The following ENTREP2 variants were observed in gnomAD, a reference collection of about 807,000 sequenced individuals.
ENTREP2 encodes the protein endosomal transmembrane epsin interactor 2.
chr15:29,497,042 G>A, the ENTREP2 span, among the ~76,000 whole-genome samples: 22 of 152,292 alleles, frequency 1.4e-4, no homozygotes, highest in Non-Finnish European at 3.1e-4. Context: ...CTTAGGTCAT[G>A]AGGGTTCCAT....
chr15:29,257,532 T>C, the ENTREP2 span, among the ~76,000 whole-genome samples: 2 of 152,224 alleles, frequency 1.3e-5, no homozygotes, highest in African/African-American at 4.8e-5. Context: ...AGAAGTGGCA[T>C]TGCTGGATCA....
chr15:29,401,165 G>A, the ENTREP2 span, among the ~76,000 whole-genome samples: 1 of 152,050 alleles, frequency 6.6e-6, no homozygotes, highest in Non-Finnish European at 1.5e-5. Flanking sequence ...ATTTTGGTGT[G>A]GTTTTTAATG....
At chr15:29,438,815 A>G in the ENTREP2 span, among the ~76,000 whole-genome samples, 4 of 152,190 alleles carry the variant, frequency 2.6e-5, no homozygotes, top group African/African-American at 7.2e-5. Flanking sequence ...GAATTGCAGG[A>G]CTGAAATGCA....
the ENTREP2 span, among the ~76,000 whole-genome samples, chr15:29,605,648 C>T: frequency 6.6e-6 from 1 of 152,044 alleles, no homozygotes; most frequent in East Asian, 1.9e-4. Flanking sequence ...ACCAGCCTGG[C>T]CAACATGGTG....
At chr15:29,478,019 A>ATATTTTTTTT in the ENTREP2 span, among the ~76,000 whole-genome samples, 5 of 54,286 alleles carry the variant, frequency 9.2e-5, no homozygotes, top group Non-Finnish European at 1.5e-4. Flanking sequence ...ATATATATAT[A>ATATTTTTTTT]TTTTTTTTTT....
the ENTREP2 span, among the ~76,000 whole-genome samples, chr15:29,452,300 G>A: frequency 2.0e-5 from 3 of 152,182 alleles, no homozygotes; most frequent in African/African-American, 7.2e-5. Context: ...AAGAGGGGAA[G>A]TGGATATTGG....
the ENTREP2 span, among the ~76,000 whole-genome samples, chr15:29,227,337 T>C: frequency 1.3e-5 from 2 of 152,136 alleles, no homozygotes; most frequent in African/African-American, 4.8e-5. Context: ...GTCCCAGAAA[T>C]CTGAAACACG....
chr15:29,592,615 A>G, the ENTREP2 span, among the ~76,000 whole-genome samples: 1 of 152,112 alleles, frequency 6.6e-6, no homozygotes, highest in Non-Finnish European at 1.5e-5. Flanking sequence ...TTCTGTTTAC[A>G]ACACATGCTT....
At chr15:29,558,037 G>T in the ENTREP2 span, among the ~76,000 whole-genome samples, 5 of 152,310 alleles carry the variant, frequency 3.3e-5, no homozygotes, top group East Asian at 9.7e-4. Context: ...ATGAGGCTCA[G>T]AGAGGTTAAG....
At chr15:29,477,485 G>A in the ENTREP2 span, among the ~76,000 whole-genome samples, 1 of 152,160 alleles carries the variant, frequency 6.6e-6, no homozygotes, top group Non-Finnish European at 1.5e-5. Context: ...TCTGGCTTTG[G>A]TTATTAGCCC....
chr15:29,182,822 G>C, the ENTREP2 span, among the ~76,000 whole-genome samples: 12 of 151,960 alleles, frequency 7.9e-5, no homozygotes, highest in Non-Finnish European at 1.6e-4. Flanking sequence ...TAACAAGAGA[G>C]ACAAGCCATA....
At chr15:29,239,826 A>G in the ENTREP2 span, among the ~76,000 whole-genome samples, 1 of 152,246 alleles carries the variant, frequency 6.6e-6, no homozygotes, top group African/African-American at 2.4e-5. Context: ...AAAACTACAC[A>G]CTAGTTTTGC....
chr15:29,572,502 A>T, the ENTREP2 span, among the ~76,000 whole-genome samples: 3 of 151,408 alleles, frequency 2.0e-5, no homozygotes, highest in South Asian at 2.1e-4. Context: ...CCGTTCATTC[A>T]TTCCTCCAAC....
At chr15:29,384,425 G>A in the ENTREP2 span, among the ~76,000 whole-genome samples, 1 of 152,040 alleles carries the variant, frequency 6.6e-6, no homozygotes, top group Non-Finnish European at 1.5e-5. Context: ...CCTGCCCGAT[G>A]ACAGCCTTGT....
the ENTREP2 span, among the ~76,000 whole-genome samples, chr15:29,348,561 G>A: frequency 1.7e-4 from 26 of 152,306 alleles, no homozygotes; most frequent in African/African-American, 6.0e-4. Context: ...CTGAGAGAAT[G>A]TGGAGTCTTC....
the ENTREP2 span, among the ~76,000 whole-genome samples, chr15:29,348,777 T>C: frequency 6.6e-6 from 1 of 152,186 alleles, no homozygotes; most frequent in Admixed American, 6.6e-5. Context: ...TTCAGCCCCA[T>C]GGTGTCATAT....
chr15:29,482,518 T>A, the ENTREP2 span, among the ~76,000 whole-genome samples: 1 of 152,208 alleles, frequency 6.6e-6, no homozygotes, highest in Non-Finnish European at 1.5e-5. Flanking sequence ...CCCAAACCTC[T>A]GGCAACCACT....
the ENTREP2 span, among the ~76,000 whole-genome samples, chr15:29,261,943 G>A: frequency 6.7e-6 from 1 of 148,374 alleles, no homozygotes; most frequent in Non-Finnish European, 1.5e-5. Context: ...GAACCACTAA[G>A]TAAACCCAAG....
the ENTREP2 span, among the ~76,000 whole-genome samples, chr15:29,306,561 G>T: frequency 6.8e-6 from 1 of 146,854 alleles, no homozygotes; most frequent in Non-Finnish European, 1.5e-5. Context: ...GCACATACTT[G>T]TATTTCTGAT....
Sources: gnomAD v4.1 joint callset for allele counts (sites outside exome capture counted in the v4.1 genomes callset) on GRCh38, gnomAD v4.1.1 for gene constraint, MANE v1.5 for transcripts, NCBI Gene and HGNC (gene_info 2026-07-23, HGNC 2026-07-21) for gene names.